POLI: variants seen among roughly 807,000 people sequenced by gnomAD.
POLI encodes RAD30 homolog B.
Under a neutral mutation model 51.6 loss-of-function variants are expected in POLI, and 58 were observed. The observed-to-expected ratio is 1.12, with a 90% CI of 0.91 to 1.40. POLI has a LOEUF of 1.40. Among genes scored for constraint, POLI ranks in the 40% most tolerant of loss-of-function variants. POLI has a pLI of 0.00. For synonymous variants in POLI, 322 were observed against 299.7 expected, an observed-to-expected ratio of 1.07 and a Z score of -0.77; for missense variants, 921 against 871.3, an observed-to-expected ratio of 1.06 and a Z score of -0.72.
chr18:54,310,635 G>A lies in POLI; in HGVS notation c.334-9638G>A, dbSNP rs1012768562. ...ACAATTTGGTGATATTTGGGTGTCC[G>A]CCCTTTCTTTTCTAAGTTGTATTTA... On this transcript the variant is annotated intron_variant, in intron 3 of 4. Coordinates refer to the POLI transcript ENST00000579823. Among the ~76,000 whole-genome samples the A allele has an allele frequency of 1.2e-4, 18 of 152,024 alleles. No homozygotes were observed. The South Asian group carries it at 1.9e-3, about 16-fold the overall frequency.
Position 54,298,127 on chromosome 18 carries a change from T to A in POLI, c.*3660T>A. 1.1e-6 allele frequency: 1 copy of A among 870,308 alleles called. No individual in the cohort carries two copies. The highest frequency in any genetic ancestry group is 1.4e-6 in the Non-Finnish European group (1 of 724,930). 53.9% of individuals were successfully genotyped at this position (870,308 alleles called of 1,614,324 possible). ...GTTTTCAATATTAAAAAAACTTCTA[T>A]TTTAAAATCTGTATATAGAAAGGTA... On this transcript the variant is annotated 3_prime_UTR_variant, in exon 10 of 10. Transcript: ENST00000579534.
At chr18:54,303,211 C>T (rs1341048450), downstream of POLI, among the ~76,000 whole-genome samples, 2 of 152,172 alleles carry the variant, frequency 1.3e-5, no homozygotes, top group Non-Finnish European at 2.9e-5. Flanking sequence ...ATCTGCCCTT[C>T]CCACTTTTCC....
intron 3 of POLI, among the ~76,000 whole-genome samples, chr18:54,308,200 G>A (rs2088619241): frequency 6.6e-6 from 1 of 152,188 alleles, no homozygotes; most frequent in South Asian, 2.1e-4. Flanking sequence ...AATTTGGCAT[G>A]TTTTTGCAGT....
chr18:54,271,546 T>G (rs183816596), intron 2 of POLI, 61 bp downstream of exon 2: 1 of 1,142,730 alleles, frequency 8.8e-7, no homozygotes, highest in African/African-American at 1.6e-5. Context: ...CTCATCATGC[T>G]CATTATATAC....
downstream of POLI, among the ~76,000 whole-genome samples, chr18:54,301,111 C>G (rs944470313): frequency 6.6e-6 from 1 of 152,090 alleles, no homozygotes; most frequent in African/African-American, 2.4e-5. Flanking sequence ...AACCCCGTCT[C>G]TACTAAAAAT....
chr18:54,283,813 G>T (rs187694512), intron 6 of POLI, 109 bp from the exon 7 acceptor site: 45 of 510,024 alleles, frequency 8.8e-5, no homozygotes, highest in Admixed American at 3.4e-4. Context: ...CTAAGGACAA[G>T]AGGTAAGTTA....
rs530076596 is a variant in POLI, at chr18:54,275,991, T to C, written c.407-1712T>C. 1.4e-3 allele frequency among the ~76,000 whole-genome samples: 212 copies of C among 152,154 alleles called. 1 individual carries two copies. Among genetic ancestry groups the C allele is most frequent in the African/African-American group, 4.8e-3 (201 of 41,506 alleles). ...ACCTTTCTTCAAGGTATTTTTTTTTTCTGTAATTACAGACTCCTCTTTTGG... is the reference window on the plus strand; with the variant it reads ...ACCTTTCTTCAAGGTATTTTTTTTTCCTGTAATTACAGACTCCTCTTTTGG... On this transcript the variant is annotated intron_variant, in intron 3 of 9. Transcript: ENST00000579534.
Position 54,269,602 on chromosome 18 carries a change from A to C in POLI, c.56A>C (p.Glu19Ala). ...EEEGGGDDDE[E>A]DAEAWAMELA... Reference sequence around the variant, plus strand: ...GAAGGCGGCGGCGACGACGACGAGGAAGACGCCGAGGCCTGGGCCATGGAA... The same window carrying C: ...GAAGGCGGCGGCGACGACGACGAGGCAGACGCCGAGGCCTGGGCCATGGAA... Residue 19 changes from glutamate to alanine, a missense_variant, in exon 1 of 10, where the codon GAA becomes GCA. Coordinates refer to ENST00000579534, the MANE Select transcript of POLI (RefSeq NM_007195.3). 6.7e-7 allele frequency: 1 copy of C among 1,502,160 alleles called. No individual in the cohort carries two copies. The highest frequency in any genetic ancestry group is 1.5e-5 in the African/African-American group (1 of 68,144). The allele number at this position is 1,502,160 out of a possible 1,614,324, so 93.1% of individuals were successfully genotyped here.
chr18:54,272,721 C>G (rs1444523110), intron 2 of POLI, among the ~76,000 whole-genome samples: 1 of 151,480 alleles, frequency 6.6e-6, no homozygotes, highest in Non-Finnish European at 1.5e-5. Context: ...ATCCACCTGC[C>G]TTGGCCTCCC....
intron 3 of POLI, among the ~76,000 whole-genome samples, chr18:54,309,089 T>C (rs771537653): frequency 7.9e-5 from 12 of 152,260 alleles, no homozygotes; most frequent in Non-Finnish European, 1.6e-4. Flanking sequence ...TTCTGTCAAC[T>C]CGTCAAAGTC....
intron 7 of POLI, among the ~76,000 whole-genome samples, chr18:54,286,171 A>T (rs1437074777): frequency 2.6e-5 from 4 of 152,076 alleles, no homozygotes; most frequent in African/African-American, 7.2e-5. Context: ...GCCCAGAACT[A>T]TTTTTTTCAG....
intron 8 of POLI, among the ~76,000 whole-genome samples, chr18:54,288,911 T>C (rs1280787915): frequency 6.6e-6 from 1 of 152,146 alleles, no homozygotes; most frequent in Admixed American, 6.6e-5. Context: ...ATATCTATAA[T>C]AATGAATTTG....
intron 9 of POLI, among the ~76,000 whole-genome samples, chr18:54,292,999 A>G (rs1446382471): frequency 1.3e-5 from 2 of 152,016 alleles, no homozygotes; most frequent in Non-Finnish European, 2.9e-5. Context: ...CTTTTCTACT[A>G]CTTTTACTTT....
At chr18:54,282,242 G>C (rs2087532986) in intron 5 of POLI, among the ~76,000 whole-genome samples, 1 of 152,056 alleles carries the variant, frequency 6.6e-6, no homozygotes, top group Non-Finnish European at 1.5e-5. Flanking sequence ...TACATAACAG[G>C]TGGTAAAATT....
At chr18:54,293,611 T>C (rs753294497) in intron 9 of POLI, 38 bp from the exon 10 acceptor site, 59 of 1,353,330 alleles carry the variant, frequency 4.4e-5, no homozygotes, top group Admixed American at 5.2e-5. Flanking sequence ...TTAAAAGATA[T>C]CAGATATGTA....
rs748781449 is a variant in POLI at position 54,282,898 on chromosome 18, C to G, written c.858C>G (p.Leu286=). 1.3e-6 allele frequency: 2 copies of G among 1,589,262 alleles called. No homozygotes were observed. The highest frequency in any genetic ancestry group is 1.8e-5 in the Admixed American group (1 of 56,692). ...EALGINSVRD[L]QTFSPKILEK... The stretch of plus-strand genomic sequence containing the variant: ...TGGGTATCAATAGTGTGCGTGATCT[C>G]CAAACCTTTTCACCCAAAATTTTAG... Residue 286 remains leucine, a synonymous_variant, in exon 6 of 10, where the codon CTC becomes CTG. Coordinates refer to ENST00000579534, the MANE Select transcript of POLI (RefSeq NM_007195.3).
chr18:54,277,902 A>G (rs771845172), intron 4 of POLI, 47 bp downstream of exon 4: 1 of 1,387,766 alleles, frequency 7.2e-7, no homozygotes, highest in Non-Finnish European at 1.0e-6. Flanking sequence ...AAGTACATAC[A>G]TTTCTTAATG....
At chr18:54,270,007 G>A (rs768945055) in intron 1 of POLI, 11 of 1,038,706 alleles carry the variant, frequency 1.1e-5, no homozygotes, top group Middle Eastern at 4.5e-4. Flanking sequence ...GAGAAGTTGA[G>A]GACCTTGTCG....
In POLI at chr18:54,294,112, A is replaced by T; in HGVS notation, c.1868A>T (p.Tyr623Phe). 4 of 1,608,300 alleles carry T rather than the reference A, an allele frequency of 2.5e-6. No individual in the cohort carries two copies. Among genetic ancestry groups the T allele is most frequent in the Non-Finnish European group, 3.4e-6 (4 of 1,175,080 alleles). Residue 623 changes from tyrosine (Y) to phenylalanine (F), a missense_variant, in exon 10 of 10, where the codon TAT (tyrosine) becomes TTT (phenylalanine). Transcript: ENST00000579534. ...ATGTCTAGCCAAAAGGATTATTCAT[A>T]TTATTTAGATAATAGATTAAAAGAT... The part of the protein sequence containing the change: ...SYMSSQKDYS[Y>F]YLDNRLKDER...
Sources: allele counts gnomAD v4.1 joint callset (sites outside exome capture counted in the v4.1 genomes callset), GRCh38; gene constraint gnomAD v4.1.1; transcripts MANE v1.5; gene names NCBI Gene and HGNC (gene_info 2026-07-23, HGNC 2026-07-21).